The following ACAD11 variants were observed in gnomAD, a reference collection of about 807,000 sequenced individuals.
ACAD11 encodes the protein acyl-CoA dehydrogenase family member 11, also known as acyl-Coenzyme A dehydrogenase family, member 11.
A neutral mutation model predicts 102.2 loss-of-function variants in ACAD11; 83 were observed. The observed-to-expected ratio is 0.81, with a 90% CI of 0.68 to 0.97. ACAD11 has a LOEUF of 0.97. Among genes scored for constraint, ACAD11 ranks in the 50% least tolerant of loss-of-function variants. The probability of loss-of-function intolerance (pLI) is 0.00; values close to 1 mark genes in which losing one functional copy is unlikely to be tolerated. For missense variants in ACAD11, 901 were observed against 951.7 expected (o/e 0.95, Z 0.70); for synonymous variants, 324 against 319.8 (o/e 1.01, Z -0.14).
Position 132,559,857 on chromosome 3 carries a change from G to T in ACAD11, c.2204C>A (p.Ser735Tyr), listed in dbSNP as rs1936996445. The change falls in exon 19 of 20, where the codon TCC becomes TAC. Residue 735 changes from serine to tyrosine, a missense_variant. Physicochemically the swap from Ser to Tyr is moderately radical, Grantham distance 144. Coordinates refer to ENST00000264990, the MANE Select transcript of ACAD11 (RefSeq NM_032169.5). ...CATGTTAGCCAGAGGGTAATCCTGG[G>T]AAACACCAGCACCTCCGCACACCTG... ...AIQVCGGAGV[S>Y]QDYPLANMYA... 2 of 1,613,434 alleles carry T rather than the reference G, an allele frequency of 1.2e-6. No individual in the cohort carries two copies. Among genetic ancestry groups the T allele is most frequent in the Non-Finnish European group, 1.7e-6 (2 of 1,179,626 alleles).
intron 12 of ACAD11, 29 bp downstream of exon 12, chr3:132,605,069 A>T (rs781506739): frequency 6.5e-7 from 1 of 1,535,574 alleles, no homozygotes; most frequent in Non-Finnish European, 9.0e-7. Context: ...GACTGACTAC[A>T]CAAGGAGAGA....
chr3:132,588,467 C>T (rs181522616), intron 13 of ACAD11, among the ~76,000 whole-genome samples: 1 of 152,238 alleles, frequency 6.6e-6, no homozygotes, highest in East Asian at 1.9e-4. Context: ...TTGAGAAATG[C>T]AATGCTCACT....
intron 13 of ACAD11, among the ~76,000 whole-genome samples, chr3:132,593,028 A>G (rs1938146435): frequency 6.6e-6 from 1 of 152,062 alleles, no homozygotes; most frequent in African/African-American, 2.4e-5. Flanking sequence ...AATAGAGCAG[A>G]GTTGAAAATT....
At chr3:132,648,109 T>A (rs1335299027) in intron 1 of ACAD11, among the ~76,000 whole-genome samples, 1 of 152,198 alleles carries the variant, frequency 6.6e-6, no homozygotes, top group African/African-American at 2.4e-5. Context: ...TAAAGCCTCA[T>A]GCCCTACAGA....
intron 13 of ACAD11, among the ~76,000 whole-genome samples, chr3:132,580,660 G>T (rs1576556914): frequency 6.6e-6 from 1 of 151,922 alleles, no homozygotes; most frequent in East Asian, 1.9e-4. Context: ...TGGTATTGTG[G>T]TTACATTTTT....
intron 5 of ACAD11, among the ~76,000 whole-genome samples, chr3:132,636,890 A>T (rs567758576): frequency 6.6e-6 from 1 of 152,316 alleles, no homozygotes. Flanking sequence ...TGAGTTAGGT[A>T]GAAGACAAGA....
At chr3:132,567,761 G>T (rs1422227212) in intron 17 of ACAD11, among the ~76,000 whole-genome samples, 1 of 152,092 alleles carries the variant, frequency 6.6e-6, no homozygotes, top group East Asian at 1.9e-4. Context: ...CTACAAAAAT[G>T]CTATAGCTAA....
chr3:132,566,934 C>T (rs1294363240), intron 17 of ACAD11, among the ~76,000 whole-genome samples: 1 of 152,084 alleles, frequency 6.6e-6, no homozygotes, highest in Non-Finnish European at 1.5e-5. Flanking sequence ...AATTATAACC[C>T]TGATGTTGTT....
chr3:132,657,930 T>G (rs905837897), intron 1 of ACAD11, among the ~76,000 whole-genome samples: 1 of 150,848 alleles, frequency 6.6e-6, no homozygotes, highest in Non-Finnish European at 1.5e-5. Context: ...TGGTGCAATC[T>G]TGGCTCACTG....
Position 132,600,369 on chromosome 3 carries a change from GTATTC to G in ACAD11, c.1621+2855_1621+2859del, listed in dbSNP as rs750226016. 19 of 1,537,078 alleles carry G rather than the reference GTATTC, an allele frequency of 1.2e-5. 1 individual carries two copies. In the South Asian group the frequency reaches 2.4e-4, roughly 20 times the overall value. ...GCATATTTAGACAAATATCTATCCT[GTATTC>G]TCTTTGCCATCTAGATTGGAGCCAT... On this transcript the variant is annotated intron_variant, in intron 13 of 19. Transcript: ENST00000264990.
Position 132,561,101 on chromosome 3 carries a change from C to T in ACAD11, c.2118G>A (p.Glu706=), listed in dbSNP as rs949664245. The change falls in exon 18 of 20, where the codon GAG becomes GAA. Residue 706 remains glutamate (E), a splice_region_variant and synonymous_variant. Transcript: ENST00000264990. ...GTCTGAGGGGAGAAGGTAGCCTCAC[C>T]TCTTTCTTAGCGCCAGCACTGCCCA... The part of the protein sequence containing the change: ...DTLGSAGAKK[E]IAMIKVAAPR... 1.2e-6 allele frequency: 2 copies of T among 1,611,344 alleles called. No individual in the cohort carries two copies. The highest frequency in any genetic ancestry group is 2.7e-5 in the African/African-American group (2 of 74,890).
intron 19 of ACAD11, 61 bp from the exon 20 acceptor site, chr3:132,559,146 A>G (rs1936972543): frequency 2.7e-6 from 3 of 1,122,598 alleles, no homozygotes; most frequent in Non-Finnish European, 4.1e-6. Context: ...TGATACTTTG[A>G]CATCAGTCAC....
At chr3:132,577,185 A>G (rs1441266751) in intron 15 of ACAD11, among the ~76,000 whole-genome samples, 170 bp from the exon 16 acceptor site, 1 of 149,690 alleles carries the variant, frequency 6.7e-6, no homozygotes, top group African/African-American at 2.6e-5. Flanking sequence ...CCAGCAGCCC[A>G]GAAAACTCAT....
rs551761116 is a variant in ACAD11 at position 132,575,840 on chromosome 3, G to A, written c.1933C>T (p.Arg645Cys). 5.5e-5 allele frequency: 89 copies of A among 1,614,022 alleles called. 1 individual carries two copies. In the South Asian group the frequency reaches 7.9e-4, roughly 14 times the overall value. The change falls in exon 17 of 20, where the codon CGC becomes TGC. Residue 645 changes from arginine (R) to cysteine (C), a missense_variant. Transcript: ENST00000264990. ...HCMRTVGLAE[R>C]ALQIMCERAT... ...CGCTCACACATGATCTGCAAAGCGCGTTCCGCCAAACCTACTGTTCTCATA... is the reference window on the plus strand; with the variant it reads ...CGCTCACACATGATCTGCAAAGCGCATTCCGCCAAACCTACTGTTCTCATA...
chr3:132,634,542 C>A (rs1003781979), intron 5 of ACAD11, among the ~76,000 whole-genome samples: 1 of 151,718 alleles, frequency 6.6e-6, no homozygotes, highest in African/African-American at 2.4e-5. Context: ...TTGACCCAGC[C>A]ATCCCATTAC....
At chr3:132,619,863 AC>A (rs1288110657) in intron 9 of ACAD11, among the ~76,000 whole-genome samples, 1 of 152,260 alleles carries the variant, frequency 6.6e-6, no homozygotes, top group Admixed American at 6.5e-5. Context: ...GTTTTAAAAT[AC>A]ATTTATTAAT....
Position 132,639,763 on chromosome 3 carries a change from TA to T in ACAD11, c.538-108del, listed in dbSNP as rs1286835081. ...AAATGCTGTTTTACTCCTAAATACTTAAGACCCATGCTGGTGATACTCCTGT... is the reference window on the plus strand; with the variant it reads ...AAATGCTGTTTTACTCCTAAATACTTAGACCCATGCTGGTGATACTCCTGT... On this transcript the variant is annotated intron_variant, in intron 4 of 19. Transcript: ENST00000264990. 2.0e-4 allele frequency: 200 copies of T among 1,013,478 alleles called. 2 individuals carry two copies. Among genetic ancestry groups the T allele is most frequent in the Middle Eastern group, 6.1e-4 (2 of 3,276 alleles). 62.8% of individuals were successfully genotyped at this position (1,013,478 alleles called of 1,614,324 possible).
chr3:132,576,971 G>A lies in ACAD11; in HGVS notation c.1819C>T (p.Arg607Ter), dbSNP rs772764413. The change falls in exon 16 of 20, where the codon CGA (arginine) becomes TGA (stop). Residue 607 changes from arginine to a stop codon, truncating the protein, a stop_gained. Transcript: ENST00000264990. LOFTEE classifies it high-confidence loss of function. The stretch of plus-strand genomic sequence containing the variant: ...AGTATTAGATTTGTGGCAGGAACTC[G>A]CACTTGATTAAAATGGATCTCAAAA... ...GHFEIHFNQV[R>*]VPATNLILGE... is the part of the protein sequence containing the mutation. 8.8e-5 allele frequency: 141 copies of A among 1,609,902 alleles called. No homozygotes were observed. The highest frequency in any genetic ancestry group is 1.0e-4 in the Non-Finnish European group (121 of 1,177,044).
At chr3:132,624,434 A>C (rs1939729466) in intron 9 of ACAD11, among the ~76,000 whole-genome samples, 1 of 151,338 alleles carries the variant, frequency 6.6e-6, no homozygotes. Context: ...GTGAAACTCC[A>C]TCCCTACTAA....
Sources: gnomAD v4.1 joint callset for allele counts (sites outside exome capture counted in the v4.1 genomes callset) on GRCh38, gnomAD v4.1.1 for gene constraint, MANE v1.5 for transcripts, NCBI Gene and HGNC (gene_info 2026-07-23, HGNC 2026-07-21) for gene names.